SLC35F4: variants seen among roughly 807,000 people sequenced by gnomAD.
The protein encoded by SLC35F4 is chromosome 14 open reading frame 36.
In SLC35F4, 24 loss-of-function variants were observed where a neutral mutation model predicts 44.2. That is an observed-to-expected ratio of 0.54 (90% CI 0.39 to 0.76). The LOEUF (loss-of-function observed/expected upper bound fraction) is 0.76, where lower values mean the gene tolerates loss of function less well. SLC35F4 is among the 30% of genes least tolerant of loss of function. The probability of loss-of-function intolerance (pLI) is 0.00; values close to 1 mark genes in which losing one functional copy is unlikely to be tolerated. For missense variants in SLC35F4, 562 were observed against 586.1 expected (o/e 0.96, Z 0.42); for synonymous variants, 238 against 223.6 (o/e 1.06, Z -0.57).
rs551766851 is a variant in SLC35F4 at position 57,642,130 on chromosome 14, A to C, written c.104-48006T>G. On this transcript the variant is annotated intron_variant, in intron 1 of 7. Transcript: ENST00000556826. ...TACTTTGTCCCACAGTTGCCCATTAATAAATAAAATAGCAATAAGGCCACG... is the reference window on the plus strand; with the variant it reads ...TACTTTGTCCCACAGTTGCCCATTACTAAATAAAATAGCAATAAGGCCACG... Among the ~76,000 whole-genome samples the C allele has an allele frequency of 3.3e-5, 5 of 152,144 alleles. No individual in the cohort carries two copies. The East Asian group carries it at 7.7e-4, about 24-fold the overall frequency.
At chr14:57,840,051 C>T (rs975184345) in intron 1 of SLC35F4, among the ~76,000 whole-genome samples, 1 of 152,124 alleles carries the variant, frequency 6.6e-6, no homozygotes, top group African/African-American at 2.4e-5. Context: ...CCTACTCTGT[C>T]CCCAGGCACC....
At chr14:57,847,521 A>T (rs997527701) in intron 1 of SLC35F4, among the ~76,000 whole-genome samples, 6 of 152,212 alleles carry the variant, frequency 3.9e-5, no homozygotes, top group African/African-American at 1.4e-4. Flanking sequence ...GTTATAATTC[A>T]GTGTTTCATT....
intron 1 of SLC35F4, among the ~76,000 whole-genome samples, chr14:57,891,496 G>A (rs956610348): frequency 6.6e-6 from 1 of 151,914 alleles, no homozygotes; most frequent in African/African-American, 2.4e-5. Context: ...ATATATATTT[G>A]GAAAAGCACT....
At chr14:57,852,791 A>G (rs895236601) in intron 1 of SLC35F4, among the ~76,000 whole-genome samples, 2 of 151,868 alleles carry the variant, frequency 1.3e-5, no homozygotes, top group African/African-American at 4.8e-5. Context: ...ACAAAAACAC[A>G]AAATAGATAC....
intron 1 of SLC35F4, among the ~76,000 whole-genome samples, chr14:57,611,767 C>T (rs1235651584): frequency 6.6e-6 from 1 of 151,960 alleles, no homozygotes; most frequent in Non-Finnish European, 1.5e-5. Flanking sequence ...GGAATGGAGG[C>T]AGGGGTTTGA....
At chr14:57,901,381 G>A (rs150082659) in intron 1 of SLC35F4, among the ~76,000 whole-genome samples, 106 of 152,336 alleles carry the variant, frequency 7.0e-4, no homozygotes, top group African/African-American at 2.4e-3. Context: ...AGACATGGAT[G>A]GAGCTGGAAG....
At chr14:57,910,067 T>C (rs1452657400) in intron 1 of SLC35F4, among the ~76,000 whole-genome samples, 2 of 152,146 alleles carry the variant, frequency 1.3e-5, no homozygotes, top group Non-Finnish European at 2.9e-5. Context: ...CAACATTTTT[T>C]CGTATATTTC....
At chr14:57,960,832 C>T (rs986811852) in intron 1 of SLC35F4, among the ~76,000 whole-genome samples, 1 of 152,064 alleles carries the variant, frequency 6.6e-6, no homozygotes, top group Non-Finnish European at 1.5e-5. Flanking sequence ...AGGAGGTGGC[C>T]CAGGTCCCTC....
At chr14:57,600,621 GGCGGAGCTTGCAGTGA>G (rs1157794164) in intron 1 of SLC35F4, among the ~76,000 whole-genome samples, 3 of 140,104 alleles carry the variant, frequency 2.1e-5, no homozygotes, top group Admixed American at 1.4e-4. Context: ...GAACCCGGGA[GGCGGAGCTTGCAGTGA>G]GCCGAGATCC....
intron 1 of SLC35F4, among the ~76,000 whole-genome samples, chr14:57,600,142 A>G (rs2070728943): frequency 1.3e-5 from 2 of 152,232 alleles, no homozygotes; most frequent in South Asian, 4.1e-4. Flanking sequence ...CTAACCCCCT[A>G]CTAGCTTTAT....
intron 1 of SLC35F4, among the ~76,000 whole-genome samples, chr14:57,648,866 T>G (rs1296287670): frequency 6.6e-6 from 1 of 152,208 alleles, no homozygotes. Flanking sequence ...AATGATTTAT[T>G]GCTTATCGAA....
At chr14:57,859,181 G>A (rs916545159) in intron 1 of SLC35F4, among the ~76,000 whole-genome samples, 1 of 152,036 alleles carries the variant, frequency 6.6e-6, no homozygotes, top group Admixed American at 6.6e-5. Flanking sequence ...AAAAGGAAAA[G>A]CTGGACTAAA....
chr14:57,600,552 C>T (rs367984076), intron 1 of SLC35F4, among the ~76,000 whole-genome samples: 14 of 147,896 alleles, frequency 9.5e-5, no homozygotes, highest in African/African-American at 3.2e-4. Context: ...ATTAGCCGGG[C>T]GTAGTGGCGG....
chr14:57,597,755 C>T (rs2070580729), intron 1 of SLC35F4, among the ~76,000 whole-genome samples: 1 of 152,156 alleles, frequency 6.6e-6, no homozygotes, highest in Admixed American at 6.5e-5. Context: ...TAGTCAGAGG[C>T]ATAAGGTGCA....
chr14:57,859,214 G>A (rs1432673991), intron 1 of SLC35F4, among the ~76,000 whole-genome samples: 1 of 152,076 alleles, frequency 6.6e-6, no homozygotes, highest in Admixed American at 6.6e-5. Flanking sequence ...AGTGATTGGC[G>A]AAGTAGATTA....
intron 1 of SLC35F4, among the ~76,000 whole-genome samples, chr14:57,731,294 G>T (rs2076338573): frequency 6.6e-6 from 1 of 152,114 alleles, no homozygotes; most frequent in South Asian, 2.1e-4. Context: ...AAAATAATAT[G>T]CAGCAGGAGT....
At chr14:57,833,170 T>C (rs1482651498) in intron 1 of SLC35F4, among the ~76,000 whole-genome samples, 2 of 152,176 alleles carry the variant, frequency 1.3e-5, no homozygotes, top group African/African-American at 4.8e-5. Context: ...ATCATCATCC[T>C]TGTTATCATC....
intron 1 of SLC35F4, among the ~76,000 whole-genome samples, chr14:57,785,130 C>A (rs565747963): frequency 6.6e-6 from 1 of 152,286 alleles, no homozygotes; most frequent in African/African-American, 2.4e-5. Flanking sequence ...GAGTTTGTGC[C>A]TCTAACCCCT....
chr14:57,782,114 C>T (rs1028001901), intron 1 of SLC35F4, among the ~76,000 whole-genome samples: 1 of 152,092 alleles, frequency 6.6e-6, no homozygotes, highest in Non-Finnish European at 1.5e-5. Flanking sequence ...TCACAATTAC[C>T]TTTTAGTTAT....
Sources: allele counts gnomAD v4.1 joint callset (sites outside exome capture counted in the v4.1 genomes callset), GRCh38; gene constraint gnomAD v4.1.1; transcripts MANE v1.5; gene names NCBI Gene and HGNC (gene_info 2026-07-23, HGNC 2026-07-21).